HEMK2: variants seen among roughly 807,000 people sequenced by gnomAD.
HEMK2 encodes HemK methyltransferase 2, ETF1 glutamine and histone H4 lysine, also known as methyltransferase HEMK2.
the HEMK2 span, among the ~76,000 whole-genome samples, chr21:28,604,176 C>A: frequency 6.6e-6 from 1 of 152,152 alleles, no homozygotes; most frequent in East Asian, 1.9e-4. Context: ...CCTCAGTCTA[C>A]CCTGCTTCAT....
chr21:28,876,493 T>G, the HEMK2 span: 1 of 1,596,568 alleles, frequency 6.3e-7, no homozygotes, highest in Non-Finnish European at 8.5e-7. Context: ...AAATTTCTTC[T>G]AAAATAAAAA....
chr21:28,582,131 G>A, the HEMK2 span, among the ~76,000 whole-genome samples: 2 of 152,140 alleles, frequency 1.3e-5, no homozygotes, highest in South Asian at 2.1e-4. Flanking sequence ...TATTGCTGAG[G>A]GTAATGGAAA....
At chr21:28,679,838 T>C in the HEMK2 span, among the ~76,000 whole-genome samples, 3 of 152,132 alleles carry the variant, frequency 2.0e-5, no homozygotes, top group Admixed American at 6.6e-5. Flanking sequence ...AATAAAGATG[T>C]TCTTTGAAAC....
chr21:28,727,144 T>A, the HEMK2 span, among the ~76,000 whole-genome samples: 1 of 152,124 alleles, frequency 6.6e-6, no homozygotes, highest in Non-Finnish European at 1.5e-5. Context: ...TAAGGGTGCC[T>A]ATGGAGAGAT....
the HEMK2 span, among the ~76,000 whole-genome samples, chr21:28,606,968 C>T: frequency 2.0e-5 from 3 of 152,098 alleles, no homozygotes; most frequent in African/African-American, 7.2e-5. Flanking sequence ...ATTTATTGAA[C>T]AGCAAGAAAT....
the HEMK2 span, among the ~76,000 whole-genome samples, chr21:28,866,212 G>C: frequency 7.0e-6 from 1 of 143,430 alleles, no homozygotes; most frequent in Middle Eastern, 3.8e-3. Context: ...ATAGTGGCCC[G>C]TACCTGTAAT....
the HEMK2 span, among the ~76,000 whole-genome samples, chr21:28,650,016 C>T: frequency 9.5e-3 from 1,441 of 152,238 alleles, 23 homozygotes; most frequent in African/African-American, 0.033. Context: ...AGATTTTATT[C>T]TTCAGACAAT....
chr21:28,627,153 A>G, the HEMK2 span, among the ~76,000 whole-genome samples: 1 of 152,216 alleles, frequency 6.6e-6, no homozygotes, highest in African/African-American at 2.4e-5. Flanking sequence ...CATACGTAGT[A>G]TGATTCCGTA....
At chr21:28,662,536 C>A in the HEMK2 span, among the ~76,000 whole-genome samples, 1 of 152,140 alleles carries the variant, frequency 6.6e-6, no homozygotes, top group Non-Finnish European at 1.5e-5. Flanking sequence ...TGTCCCCACC[C>A]AAATCTCATC....
chr21:28,789,992 C>T, the HEMK2 span, among the ~76,000 whole-genome samples: 1,197 of 152,248 alleles, frequency 7.9e-3, 17 homozygotes, highest in African/African-American at 0.027. Flanking sequence ...AAACCCACTG[C>T]CTTGTGAGTT....
At chr21:28,739,176 G>C in the HEMK2 span, among the ~76,000 whole-genome samples, 2 of 152,140 alleles carry the variant, frequency 1.3e-5, no homozygotes, top group Non-Finnish European at 2.9e-5. Flanking sequence ...GACCCCATTT[G>C]ATGACCTGAA....
chr21:28,765,694 G>C, the HEMK2 span, among the ~76,000 whole-genome samples: 2 of 151,954 alleles, frequency 1.3e-5, no homozygotes, highest in South Asian at 4.2e-4. Flanking sequence ...CAGATATGAG[G>C]AATAACTTGA....
At chr21:28,579,396 A>T in the HEMK2 span, among the ~76,000 whole-genome samples, 1 of 152,154 alleles carries the variant, frequency 6.6e-6, no homozygotes, top group Non-Finnish European at 1.5e-5. Context: ...ACCTCTTATT[A>T]GTTTCCTCAT....
At chr21:28,722,128 T>C in the HEMK2 span, among the ~76,000 whole-genome samples, 1 of 151,926 alleles carries the variant, frequency 6.6e-6, no homozygotes, top group Non-Finnish European at 1.5e-5. Flanking sequence ...GTGAGGATAT[T>C]GTGTTGTCTT....
At chr21:28,710,176 C>G in the HEMK2 span, among the ~76,000 whole-genome samples, 1 of 152,212 alleles carries the variant, frequency 6.6e-6, no homozygotes, top group Non-Finnish European at 1.5e-5. Context: ...AGGGAAGAAT[C>G]TGTCATCAGA....
chr21:28,852,709 C>T, the HEMK2 span, among the ~76,000 whole-genome samples: 8 of 152,292 alleles, frequency 5.3e-5, no homozygotes, highest in Middle Eastern at 3.4e-3. Context: ...AATTGATTGA[C>T]GGGCCATGAT....
At chr21:28,580,888 T>C in the HEMK2 span, among the ~76,000 whole-genome samples, 2 of 152,146 alleles carry the variant, frequency 1.3e-5, no homozygotes, top group Non-Finnish European at 2.9e-5. Flanking sequence ...AAATCATGGG[T>C]TGTGCCTCTT....
At chr21:28,718,432 A>G in the HEMK2 span, among the ~76,000 whole-genome samples, 2 of 152,326 alleles carry the variant, frequency 1.3e-5, no homozygotes, top group African/African-American at 4.8e-5. Flanking sequence ...GAAGTCTATT[A>G]GGTCTAATTG....
chr21:28,881,579 T>C, the HEMK2 span, among the ~76,000 whole-genome samples: 2 of 151,670 alleles, frequency 1.3e-5, no homozygotes, highest in Non-Finnish European at 2.9e-5. Flanking sequence ...AAAAGATGTC[T>C]ATAGCATTCT....
Sources: gnomAD v4.1 joint callset for allele counts (sites outside exome capture counted in the v4.1 genomes callset) on GRCh38, gnomAD v4.1.1 for gene constraint, MANE v1.5 for transcripts, NCBI Gene and HGNC (gene_info 2026-07-23, HGNC 2026-07-21) for gene names.